Variants in CHD8 observed in about 807,000 individuals in gnomAD.
The protein encoded by CHD8 is chromodomain helicase DNA binding protein 8.
A neutral mutation model predicts 279.2 loss-of-function variants in CHD8; 31 were observed. The observed-to-expected ratio is 0.11, with a 90% CI of 0.08 to 0.15. CHD8 has a LOEUF of 0.15. CHD8 is among the 10% of genes least tolerant of loss of function. The pLI is 1.00. For synonymous variants in CHD8, 1,081 were observed against 1,139.6 expected, an observed-to-expected ratio of 0.95 and a Z score of 1.04; for missense variants, 2,146 against 3,230.5, an observed-to-expected ratio of 0.66 and a Z score of 8.14.
chr14:21,419,178 C>T (rs1334681569), intron 5 of CHD8, among the ~76,000 whole-genome samples: 1 of 152,140 alleles, frequency 6.6e-6, no homozygotes, highest in African/African-American at 2.4e-5. Context: ...ATTTTTATCA[C>T]ATCCATCATA....
intron 10 of CHD8, among the ~76,000 whole-genome samples, chr14:21,411,076 C>T (rs1888472754): frequency 6.6e-6 from 1 of 152,152 alleles, no homozygotes; most frequent in African/African-American, 2.4e-5. Context: ...AAAACATTAT[C>T]ATCTGTCACG....
At chr14:21,392,319 A>C in intron 34 of CHD8, 188 bp downstream of exon 34, 1 of 760,870 alleles carries the variant, frequency 1.3e-6, no homozygotes, top group Admixed American at 2.1e-5. Context: ...TAGGATTAAT[A>C]ATCAATAGGG....
chr14:21,429,905 A>T (rs1283454286), intron 2 of CHD8: 4 of 178,800 alleles, frequency 2.2e-5, no homozygotes, highest in Admixed American at 2.2e-4. Context: ...AGCCTCCCAA[A>T]GTGCTGGGAC....
At position 21,391,629 on chromosome 14, in the gene CHD8, C is replaced by T. The variant is rs1260335403; in HGVS notation, c.6899G>A (p.Cys2300Tyr). Reference sequence around the variant, plus strand: ...ATCAAGGTGATTAGGCTCTTCCATGCACTCCACCTCCAGCTGCAAACCCAG... The same window carrying T: ...ATCAAGGTGATTAGGCTCTTCCATGTACTCCACCTCCAGCTGCAAACCCAG... ...RKKLVELEVE[C>Y]MEEPNHLDVD... Residue 2300 changes from cysteine to tyrosine, a missense_variant, in exon 36 of 38, where the codon TGC (cysteine) becomes TAC (tyrosine). This residue lies in a region of CHD8 where 336 missense variants were observed against 392.9 expected (regional missense o/e 0.86). Transcript: ENST00000646647. 1 of 1,589,706 alleles carries T rather than the reference C, an allele frequency of 6.3e-7. No homozygotes were observed. Among genetic ancestry groups the T allele is most frequent in the South Asian group, 1.1e-5 (1 of 87,562 alleles).
Position 21,392,376 on chromosome 14 carries a change from C to G in CHD8, c.6771+131G>C, listed in dbSNP as rs1887586884. ...GAAAAATGATTCTTCCTAAATGGAT[C>G]TTTGTAAGCTCTGTTTTCTCATTTT... is the stretch of plus-strand genomic sequence containing the variant. On this transcript the variant is annotated intron_variant, in intron 34 of 37. Transcript: ENST00000646647. 11 of 923,318 alleles carry G rather than the reference C, an allele frequency of 1.2e-5. No individual in the cohort carries two copies. The South Asian group carries it at 1.6e-4, about 13-fold the overall frequency. The allele number at this position is 923,318 out of a possible 1,614,324, so 57.2% of individuals were successfully genotyped here.
At chr14:21,419,459 C>A (rs754799314) in intron 5 of CHD8, among the ~76,000 whole-genome samples, 2 of 152,100 alleles carry the variant, frequency 1.3e-5, no homozygotes, top group Non-Finnish European at 2.9e-5. Flanking sequence ...ACTCCGGAGG[C>A]TGAGGCAGAA....
chr14:21,401,152 A>T (rs1888014986), intron 21 of CHD8, 81 bp from the exon 22 acceptor site: 1 of 1,082,168 alleles, frequency 9.2e-7, no homozygotes, highest in Admixed American at 2.9e-5. Context: ...GGATTACAAT[A>T]ACATTGGATG....
At chr14:21,447,667 C>T (rs919069073) in intron 1 of CHD8, among the ~76,000 whole-genome samples, 7 of 151,966 alleles carry the variant, frequency 4.6e-5, no homozygotes, top group East Asian at 3.9e-4. Flanking sequence ...CCACTGCGCC[C>T]GGCCGGATGA....
In CHD8 at chr14:21,444,331, A is replaced by G. The variant is rs186756363; in HGVS notation, c.-216+11701T>C. ...ACTGTAATGAGCCTGAGAGAGGGTC[A>G]CTACCCAGATTAATGGCCTCCAAAA... On this transcript the variant is annotated intron_variant, in intron 1 of 37. Transcript: ENST00000646647. Among the ~76,000 whole-genome samples the G allele has an allele frequency of 3.1e-4, 47 of 152,370 alleles. 2 individuals are homozygous for G. The highest frequency in any genetic ancestry group is 3.0e-3 in the Admixed American group (46 of 15,304).
chr14:21,429,681 G>A (rs1889482094), intron 2 of CHD8: 2 of 381,684 alleles, frequency 5.2e-6, no homozygotes, highest in Admixed American at 3.5e-5. Flanking sequence ...CCATATTGAT[G>A]TCAAACTTAG....
chr14:21,436,257 T>C (rs765563065), intron 1 of CHD8, among the ~76,000 whole-genome samples: 15 of 152,202 alleles, frequency 9.9e-5, no homozygotes, highest in Non-Finnish European at 1.6e-4. Flanking sequence ...CAGTTGCAGA[T>C]AGACATAAAT....
intron 1 of CHD8, chr14:21,437,348 A>C (rs1454949881): frequency 1.1e-6 from 1 of 917,708 alleles, no homozygotes; most frequent in Non-Finnish European, 1.4e-6. Context: ...AAGACGCAAA[A>C]CAGCGCAAAG....
At chr14:21,433,263 G>A (rs1889640247) in intron 1 of CHD8, among the ~76,000 whole-genome samples, 1 of 152,144 alleles carries the variant, frequency 6.6e-6, no homozygotes, top group African/African-American at 2.4e-5. Context: ...TTGAAAACAT[G>A]TCTTATGAAT....
At chr14:21,440,427 G>C (rs577128232) in intron 1 of CHD8, among the ~76,000 whole-genome samples, 5 of 152,068 alleles carry the variant, frequency 3.3e-5, no homozygotes, top group Non-Finnish European at 7.4e-5. Flanking sequence ...GGCTGGTCTC[G>C]AACTCCTGAC....
intron 1 of CHD8, among the ~76,000 whole-genome samples, chr14:21,446,776 C>T (rs1890131841): frequency 6.6e-6 from 1 of 152,186 alleles, no homozygotes; most frequent in Admixed American, 6.5e-5. Flanking sequence ...CATTCTTAAC[C>T]ACCTTACTAT....
intron 1 of CHD8, 52 bp from the exon 2 acceptor site, chr14:21,431,910 A>C: frequency 4.7e-5 from 60 of 1,272,862 alleles, no homozygotes; most frequent in Non-Finnish European, 6.4e-5. Context: ...TGGCGATCTC[A>C]GAGAAAATTT....
In CHD8 at chr14:21,415,049, T is replaced by G. The variant is rs185462964; in HGVS notation, c.1969-56A>C. On this transcript the variant is annotated intron_variant, in intron 7 of 37. Transcript: ENST00000646647. ...TCCCTTATTTGTAAAAGAATGAACT[T>G]TTTAATTTTAACCACACATTGCAGA... The G allele has an allele frequency of 2.4e-5, 29 of 1,189,096 alleles. No individual in the cohort carries two copies. The East Asian group carries it at 7.1e-4, about 29-fold the overall frequency. The allele number at this position is 1,189,096 out of a possible 1,614,324, so 73.7% of individuals were successfully genotyped here. A position where few individuals can be genotyped will look rare whatever the true frequency, so the allele number is the denominator to read the frequency against.
At chr14:21,392,296 T>C (rs756297076) in intron 34 of CHD8, 12 of 767,284 alleles carry the variant, frequency 1.6e-5, no homozygotes, top group Non-Finnish European at 2.5e-5. Context: ...AAGAAACTTT[T>C]GTTGAATATT....
rs1334692966 is a variant in CHD8, at chr14:21,401,041, G to A, written c.4204C>T (p.Arg1402Ter). ...GTGCTAAAGTGGCGCGTTTGTTTTC[G>A]TACTCTAGGTGTGTCAATTACCAAA... ...NNLVIDTPRV[R>*]KQTRHFSTLK... The change falls in exon 22 of 38, where the codon CGA (arginine) becomes TGA (stop). Residue 1402 changes from arginine (R) to a stop codon, truncating the protein, a stop_gained. Coordinates refer to ENST00000646647, the MANE Select transcript of CHD8 (RefSeq NM_001170629.2). LOFTEE classifies it high-confidence loss of function. 1.2e-6 allele frequency: 2 copies of A among 1,612,590 alleles called. No homozygotes were observed. The highest frequency in any genetic ancestry group is 1.7e-6 in the Non-Finnish European group (2 of 1,179,308).
Sources: gnomAD v4.1 joint callset for allele counts (sites outside exome capture counted in the v4.1 genomes callset) on GRCh38, gnomAD v4.1.1 for gene constraint, gnomAD v4.1.1 regional missense constraint, MANE v1.5 for transcripts, NCBI Gene and HGNC (gene_info 2026-07-23, HGNC 2026-07-21) for gene names.